Variants in RASEF observed in about 807,000 individuals in gnomAD.
The protein encoded by RASEF is RAS and EF-hand domain containing.
In RASEF, 68 loss-of-function variants were observed where a neutral mutation model predicts 90.1. The ratio of observed to expected loss-of-function variants is 0.75; its 90% CI spans 0.62 to 0.92. RASEF has a LOEUF of 0.92. Ranked by LOEUF, RASEF falls within the 40% of genes least tolerant of loss-of-function variation. RASEF has a pLI of 0.00. For missense variants in RASEF, 949 were observed against 937.2 expected, an observed-to-expected ratio of 1.01 and a Z score of -0.16; for synonymous variants, 331 against 345.2, an observed-to-expected ratio of 0.96 and a Z score of 0.46.
At position 83,006,962 on chromosome 9, in the gene RASEF, C is replaced by T. The variant is rs188648778; in HGVS notation, c.1028+475G>A. Reference sequence around the variant, plus strand: ...TACAAAAATTAGCTGGGCCTGGTGGCGGGTGCCTGTAGTCCCAGCTACTCA... The same window carrying T: ...TACAAAAATTAGCTGGGCCTGGTGGTGGGTGCCTGTAGTCCCAGCTACTCA... On this transcript the variant is annotated intron_variant, in intron 7 of 16. Coordinates refer to ENST00000376447, the MANE Select transcript of RASEF (RefSeq NM_152573.4). Among the ~76,000 whole-genome samples the T allele has an allele frequency of 3.5e-4, 53 of 151,986 alleles. No homozygotes were observed. The East Asian group carries it at 9.5e-3, about 27-fold the overall frequency.
the RASEF span, among the ~76,000 whole-genome samples, chr9:83,179,721 T>C: frequency 1.3e-5 from 2 of 152,180 alleles, no homozygotes; most frequent in African/African-American, 4.8e-5. Flanking sequence ...ATATTTTATA[T>C]TTAAAAGTAC....
chr9:83,014,997 A>T (rs1237753003), intron 4 of RASEF, among the ~76,000 whole-genome samples: 2 of 152,202 alleles, frequency 1.3e-5, no homozygotes, highest in Non-Finnish European at 2.9e-5. Context: ...ACAAACAAAC[A>T]AACTAATCAC....
At chr9:83,071,321 T>C in the RASEF span, among the ~76,000 whole-genome samples, 250 of 152,338 alleles carry the variant, frequency 1.6e-3, no homozygotes, top group Non-Finnish European at 2.9e-3. Context: ...GCTGAGAATA[T>C]TTATCATGAG....
At chr9:83,145,313 C>G in the RASEF span, among the ~76,000 whole-genome samples, 4 of 152,078 alleles carry the variant, frequency 2.6e-5, no homozygotes, top group African/African-American at 9.7e-5. Context: ...GATTTGAGCC[C>G]AGATCCCCCA....
chr9:83,076,028 C>T, the RASEF span, among the ~76,000 whole-genome samples: 12 of 151,906 alleles, frequency 7.9e-5, no homozygotes, highest in African/African-American at 1.5e-4. Flanking sequence ...ATTACCTGGG[C>T]GTGGTGGCAC....
chr9:83,117,264 C>T, the RASEF span, among the ~76,000 whole-genome samples: 188 of 152,280 alleles, frequency 1.2e-3, no homozygotes, highest in African/African-American at 4.3e-3. Context: ...CCTCTCTCTA[C>T]AGGGAGTTAG....
chr9:83,185,353 C>CTTTCTTTCT, the RASEF span, among the ~76,000 whole-genome samples: 1 of 143,088 alleles, frequency 7.0e-6, no homozygotes, highest in African/African-American at 2.6e-5. Context: ...TTCTTTCTTT[C>CTTTCTTTCT]TTTTTTTTTT....
the RASEF span, among the ~76,000 whole-genome samples, chr9:83,202,646 TTTTG>T: frequency 1.8e-4 from 28 of 152,192 alleles, no homozygotes; most frequent in African/African-American, 4.6e-4. Flanking sequence ...TGGCTTGTTT[TTTTG>T]TTTGTTTGTT....
chr9:83,015,612 G>A (rs752699125), intron 4 of RASEF, among the ~76,000 whole-genome samples, 193 bp downstream of exon 4: 1 of 152,180 alleles, frequency 6.6e-6, no homozygotes. Flanking sequence ...TCCAGGAGGC[G>A]GAGGTTGCAG....
the RASEF span, among the ~76,000 whole-genome samples, chr9:83,207,346 C>T: frequency 4.6e-4 from 70 of 152,262 alleles, no homozygotes; most frequent in Non-Finnish European, 7.9e-4. Context: ...CTTGGGTCTC[C>T]GCTCAGGGTG....
chr9:83,162,683 C>T, the RASEF span, among the ~76,000 whole-genome samples: 1 of 152,182 alleles, frequency 6.6e-6, no homozygotes. Flanking sequence ...GGGAACACTG[C>T]TGCCCCAAAG....
At chr9:83,083,708 G>C in the RASEF span, among the ~76,000 whole-genome samples, 1 of 152,032 alleles carries the variant, frequency 6.6e-6, no homozygotes, top group African/African-American at 2.4e-5. Flanking sequence ...ATGTAATGCT[G>C]GCTACATATT....
chr9:83,187,159 A>G, the RASEF span, among the ~76,000 whole-genome samples: 4 of 152,104 alleles, frequency 2.6e-5, no homozygotes, highest in South Asian at 8.3e-4. Flanking sequence ...ACCCCAATAA[A>G]GGCTCTGGTC....
At chr9:82,987,123 T>G (rs1828723460) in intron 16 of RASEF, among the ~76,000 whole-genome samples, 2 of 152,210 alleles carry the variant, frequency 1.3e-5, no homozygotes, top group Non-Finnish European at 2.9e-5. Flanking sequence ...ATACATAAAT[T>G]TCCCAAGGTT....
At chr9:83,198,974 G>A in the RASEF span, among the ~76,000 whole-genome samples, 3 of 152,118 alleles carry the variant, frequency 2.0e-5, no homozygotes, top group Non-Finnish European at 4.4e-5. Flanking sequence ...AGGCTCATAC[G>A]AGACATGACA....
chr9:83,128,067 T>C, the RASEF span, among the ~76,000 whole-genome samples: 1 of 150,084 alleles, frequency 6.7e-6, no homozygotes, highest in African/African-American at 2.5e-5. Context: ...TTGAATGATA[T>C]CCAACTTCCA....
chr9:83,111,484 G>C, the RASEF span, among the ~76,000 whole-genome samples: 1 of 152,104 alleles, frequency 6.6e-6, no homozygotes, highest in Non-Finnish European at 1.5e-5. Flanking sequence ...TTCTAAGAAA[G>C]TAGATTTTCA....
chr9:83,113,452 C>T, the RASEF span, among the ~76,000 whole-genome samples: 1 of 152,160 alleles, frequency 6.6e-6, no homozygotes, highest in African/African-American at 2.4e-5. Context: ...CAGTGATTTT[C>T]AGGGAACAAG....
chr9:83,036,822 G>T (rs1225106279), intron 1 of RASEF, among the ~76,000 whole-genome samples: 7 of 152,016 alleles, frequency 4.6e-5, no homozygotes, highest in Admixed American at 4.6e-4. Context: ...ACCAAAGCAA[G>T]ATATTAATAA....
Sources: allele counts gnomAD v4.1 joint callset (sites outside exome capture counted in the v4.1 genomes callset), GRCh38; gene constraint gnomAD v4.1.1; transcripts MANE v1.5; gene names NCBI Gene and HGNC (gene_info 2026-07-23, HGNC 2026-07-21).